FRMPD4: variants seen among roughly 807,000 people sequenced by gnomAD.
FRMPD4 encodes the protein FERM and PDZ domain containing 4, also known as FERM and PDZ domain-containing protein 4.
FRMPD4 carries 22 observed loss-of-function variants against 94.1 expected under a neutral mutation model. The observed-to-expected ratio is 0.23, with a 90% confidence interval of 0.17 to 0.33. The LOEUF is 0.33. FRMPD4 is among the 10% of genes least tolerant of loss of function. The probability of loss-of-function intolerance (pLI) is 1.00; values close to 1 mark genes in which losing one functional copy is unlikely to be tolerated. For missense variants in FRMPD4, 1,111 were observed against 1,339.9 expected, an observed-to-expected ratio of 0.83 and a Z score of 2.67; for synonymous variants, 631 against 548.6, an observed-to-expected ratio of 1.15 and a Z score of -2.10.
intron 3 of FRMPD4, among the ~76,000 whole-genome samples, chrX:12,077,823 C>T (rs1427876778): frequency 8.9e-6 from 1 of 111,994 alleles, no homozygotes; most frequent in African/African-American, 3.2e-5. Flanking sequence ...CATGGCTCCA[C>T]ACTTTTCCTT....
chrX:12,312,543 G>A (rs62588583), intron 1 of FRMPD4, among the ~76,000 whole-genome samples: 3,279 of 110,427 alleles, frequency 0.03, 58 homozygotes, highest in Middle Eastern at 0.06. Context: ...GTGAGCCACC[G>A]CGCCTGGCCC....
chrX:11,837,561 T>C (rs115046267), intron 1 of FRMPD4, among the ~76,000 whole-genome samples: 3,043 of 111,483 alleles, frequency 0.027, 100 homozygotes, highest in African/African-American at 0.093. Context: ...TCAAGAATAA[T>C]AGAGGGCATG....
chrX:12,479,481 C>CAT (rs1479277278), intron 1 of FRMPD4, among the ~76,000 whole-genome samples: 1 of 86,855 alleles, frequency 1.2e-5, no homozygotes, highest in Non-Finnish European at 2.3e-5. Context: ...TATGTATATA[C>CAT]ATATATATAC....
intron 1 of FRMPD4, among the ~76,000 whole-genome samples, chrX:12,164,402 A>C (rs2056078670): frequency 8.9e-6 from 1 of 112,293 alleles, no homozygotes. Context: ...GCTGCATAGT[A>C]TTCCATGGCA....
rs188892394 is a variant in FRMPD4, at chrX:12,033,034, C to T, written c.95+155016C>T. ...TTACTAGTCAAAGGAATGCCAAAGACCAGTTAAGGCTGACTACCTTCATTG... is the reference window on the plus strand; with the variant it reads ...TTACTAGTCAAAGGAATGCCAAAGATCAGTTAAGGCTGACTACCTTCATTG... On this transcript the variant is annotated intron_variant, in intron 3 of 18. Coordinates refer to the FRMPD4 transcript ENST00000640291. 4.6e-3 allele frequency among the ~76,000 whole-genome samples: 517 copies of T among 111,928 alleles called. 1 individual carries two copies. Among genetic ancestry groups the T allele is most frequent in the Non-Finnish European group, 6.6e-3 (349 of 53,153 alleles).
At chrX:12,063,728 G>A (rs1434319056) in intron 3 of FRMPD4, among the ~76,000 whole-genome samples, 2 of 112,339 alleles carry the variant, frequency 1.8e-5, no homozygotes, top group Non-Finnish European at 3.8e-5. Flanking sequence ...ACTCCAACCT[G>A]GGTGACAGAG....
At chrX:12,567,147 C>T (rs60091268) in intron 2 of FRMPD4, among the ~76,000 whole-genome samples, 2,170 of 111,466 alleles carry the variant, frequency 0.019, 57 homozygotes, top group African/African-American at 0.067. Flanking sequence ...ATATTCTGAA[C>T]CACTGGTGAT....
At position 12,716,282 on chromosome X, in the gene FRMPD4, A is replaced by G; in HGVS notation, c.1823A>G (p.Gln608Arg). 8.3e-7 allele frequency: 1 copy of G among 1,210,657 alleles called. No homozygotes were observed. The highest frequency in any genetic ancestry group is 1.1e-6 in the Non-Finnish European group (1 of 894,240). The change falls in exon 15 of 17, where the codon CAG becomes CGG. Residue 608 changes from glutamine to arginine, a missense_variant. Physicochemically the swap from Gln to Arg is conservative, Grantham distance 43. Transcript: ENST00000675598. ...DNAYSSDGLN[Q>R]QLSQPGEAPC... ...GCCTATAGTTCAGATGGACTTAACCAGCAGCTGAGCCAGCCCGGGGAGGCC... is the reference window on the plus strand; with the variant it reads ...GCCTATAGTTCAGATGGACTTAACCGGCAGCTGAGCCAGCCCGGGGAGGCC...
At chrX:11,825,281 T>C (rs1438281355) in intron 1 of FRMPD4, among the ~76,000 whole-genome samples, 1 of 102,604 alleles carries the variant, frequency 9.7e-6, no homozygotes, top group Non-Finnish European at 2.0e-5. Context: ...AAAAAAAAAA[T>C]AGTGAACGGC....
intron 1 of FRMPD4, among the ~76,000 whole-genome samples, chrX:11,843,129 T>G (rs1288011830): frequency 1.8e-5 from 2 of 112,218 alleles, no homozygotes; most frequent in African/African-American, 6.5e-5. Context: ...TTATATATAC[T>G]TTCTATTCCT....
At chrX:12,620,312 C>T (rs924410441) in intron 4 of FRMPD4, among the ~76,000 whole-genome samples, 1 of 112,351 alleles carries the variant, frequency 8.9e-6, no homozygotes, top group Non-Finnish European at 1.9e-5. Context: ...CCCAGGAAAC[C>T]ACGAGGAAGC....
At chrX:12,374,384 C>G (rs2056204565) in intron 1 of FRMPD4, among the ~76,000 whole-genome samples, 1 of 111,824 alleles carries the variant, frequency 8.9e-6, no homozygotes, top group African/African-American at 3.3e-5. Flanking sequence ...CCTATATGAT[C>G]CATGCCAGAA....
At chrX:12,430,705 G>A (rs185469916) in intron 1 of FRMPD4, among the ~76,000 whole-genome samples, 11 of 111,981 alleles carry the variant, frequency 9.8e-5, no homozygotes, top group Admixed American at 1.9e-4. Flanking sequence ...CTGAACACTC[G>A]TTCTGATTAA....
chrX:12,368,988 G>T (rs757626253), intron 1 of FRMPD4, among the ~76,000 whole-genome samples: 1 of 111,327 alleles, frequency 9.0e-6, no homozygotes, highest in Non-Finnish European at 1.9e-5. Context: ...AACAGTTTCT[G>T]CCTGTCCTCC....
intron 2 of FRMPD4, among the ~76,000 whole-genome samples, chrX:12,499,690 A>G (rs2057895449): frequency 8.9e-6 from 1 of 112,589 alleles, no homozygotes; most frequent in African/African-American, 3.2e-5. Flanking sequence ...GCTGTAGCAC[A>G]TGTCAGAAGT....
intron 1 of FRMPD4, among the ~76,000 whole-genome samples, chrX:12,382,530 G>GCATAGCATAGCATAGAGCAT (rs60602906): frequency 2.2e-5 from 1 of 45,616 alleles, no homozygotes; most frequent in Non-Finnish European, 3.7e-5. Flanking sequence ...GCATAGCATA[G>GCATAGCATAGCATAGAGCAT]AGCATAGCAT....
At chrX:12,520,362 G>GA (rs1292904870) in intron 2 of FRMPD4, among the ~76,000 whole-genome samples, 6 of 112,038 alleles carry the variant, frequency 5.4e-5, no homozygotes, top group Non-Finnish European at 9.4e-5. Context: ...GGAGCTGAGG[G>GA]AAACAGATGA....
chrX:12,704,296 A>G, intron 10 of FRMPD4, 63 bp from the exon 11 acceptor site: 1 of 903,160 alleles, frequency 1.1e-6, no homozygotes, highest in Non-Finnish European at 1.5e-6. Context: ...TCAGAGCACC[A>G]TTTTGTCTTA....
intron 3 of FRMPD4, among the ~76,000 whole-genome samples, chrX:11,986,161 G>A (rs925318247): frequency 8.9e-5 from 10 of 112,510 alleles, no homozygotes; most frequent in African/African-American, 3.2e-4. Flanking sequence ...GGATGCTTGT[G>A]TCATGCCACC....
Sources: gnomAD v4.1 joint callset for allele counts (sites outside exome capture counted in the v4.1 genomes callset) on GRCh38, gnomAD v4.1.1 for gene constraint, MANE v1.5 for transcripts, NCBI Gene and HGNC (gene_info 2026-07-23, HGNC 2026-07-21) for gene names.